Variants in LAMA2 observed in about 807,000 individuals in gnomAD.
LAMA2 encodes the protein laminin subunit alpha 2.
Under a neutral mutation model 364.8 loss-of-function variants are expected in LAMA2, and 269 were observed. That is an observed-to-expected ratio of 0.74 (90% CI 0.67 to 0.82). The LOEUF (loss-of-function observed/expected upper bound fraction) is 0.82. Among genes scored for constraint, LAMA2 ranks in the 40% least tolerant of loss-of-function variants. The probability of loss-of-function intolerance (pLI) is 0.00; values close to 1 mark genes in which losing one functional copy is unlikely to be tolerated. For synonymous variants in LAMA2, 1,379 were observed against 1,370.6 expected (o/e 1.01, Z -0.14); for missense variants, 3,807 against 3,873.2 (o/e 0.98, Z 0.45).
intron 1 of LAMA2, among the ~76,000 whole-genome samples, chr6:128,911,172 G>A (rs1333803518): frequency 6.6e-6 from 1 of 152,252 alleles, no homozygotes; most frequent in Non-Finnish European, 1.5e-5. Flanking sequence ...CACCCAGTTC[G>A]AGCTTCCCGG....
intron 29 of LAMA2, among the ~76,000 whole-genome samples, chr6:129,335,222 A>G (rs752257897): frequency 9.9e-5 from 15 of 152,158 alleles, no homozygotes; most frequent in Non-Finnish European, 1.8e-4. Context: ...GTTATTATGA[A>G]TAGCTCAGTG....
chr6:129,024,768 G>GTC (rs1785688224), intron 1 of LAMA2, among the ~76,000 whole-genome samples: 1 of 152,024 alleles, frequency 6.6e-6, no homozygotes, highest in Non-Finnish European at 1.5e-5. Flanking sequence ...TGATTAGGCA[G>GTC]AAGTATGCTT....
In LAMA2 at chr6:129,439,728, A is replaced by T. The variant is rs979001613; in HGVS notation, c.6085+966A>T. Among the ~76,000 whole-genome samples the T allele has an allele frequency of 9.4e-4, 142 of 151,638 alleles. 3 individuals are homozygous for T. Among genetic ancestry groups the T allele is most frequent in the Non-Finnish European group, 3.8e-4 (26 of 67,870 alleles). On this transcript the variant is annotated intron_variant, in intron 42 of 64. Transcript: ENST00000421865. ...GATATAATAACAACAAAGATTATAA[A>T]CACTTATTGAGTACTTAATATACTT...
In LAMA2 at chr6:128,938,662, G is replaced by A. The variant is rs1457014228; in HGVS notation, c.112+55305G>A. 2.0e-5 allele frequency among the ~76,000 whole-genome samples: 3 copies of A among 152,168 alleles called. No homozygotes were observed. In the East Asian group the frequency reaches 5.8e-4, roughly 29 times the overall value. On this transcript the variant is annotated intron_variant, in intron 1 of 64. Transcript: ENST00000421865. ...TACTTCTCAGAGGATGTCCTTCGGA[G>A]AAGTATTCTTTCTCTTACTTATGTT...
chr6:129,408,614 C>A (rs956072119), intron 40 of LAMA2, among the ~76,000 whole-genome samples: 1 of 152,144 alleles, frequency 6.6e-6, no homozygotes, highest in East Asian at 1.9e-4. Flanking sequence ...TGGAAGAGGT[C>A]TGATATAATC....
At chr6:128,977,173 T>A (rs1431440170) in intron 1 of LAMA2, among the ~76,000 whole-genome samples, 2 of 152,082 alleles carry the variant, frequency 1.3e-5, no homozygotes, top group African/African-American at 2.4e-5. Context: ...CTCTTCTTAA[T>A]ACATAATGCT....
chr6:129,148,161 T>C (rs1027175455), intron 6 of LAMA2, among the ~76,000 whole-genome samples: 5 of 152,028 alleles, frequency 3.3e-5, no homozygotes, highest in Non-Finnish European at 7.4e-5. Flanking sequence ...CACCATAGAA[T>C]ACTACGCTGC....
chr6:129,409,192 C>T (rs905704195), intron 40 of LAMA2, among the ~76,000 whole-genome samples: 7 of 152,214 alleles, frequency 4.6e-5, no homozygotes, highest in African/African-American at 1.7e-4. Context: ...TCAGGGATGT[C>T]CTAGAAAGGG....
intron 35 of LAMA2, among the ~76,000 whole-genome samples, chr6:129,391,130 G>A (rs1779294353): frequency 6.6e-6 from 1 of 152,064 alleles, no homozygotes; most frequent in African/African-American, 2.4e-5. Flanking sequence ...TATCTTATCA[G>A]CAATGCAGAG....
chr6:129,397,938 G>GAAAA (rs58131786), intron 37 of LAMA2, among the ~76,000 whole-genome samples: 2 of 103,524 alleles, frequency 1.9e-5, no homozygotes, highest in Non-Finnish European at 1.9e-5. Flanking sequence ...CTCCGTCTCA[G>GAAAA]AAAAAAAAAA....
intron 55 of LAMA2, among the ~76,000 whole-genome samples, chr6:129,482,436 C>A (rs138033631): frequency 2.6e-5 from 4 of 152,118 alleles, no homozygotes. Flanking sequence ...TTTTTTAAAA[C>A]GTAATTTTCC....
At position 129,353,242 on chromosome 6, in the gene LAMA2, A is replaced by G. The variant is rs758740309; in HGVS notation, c.4602A>G (p.Ser1534=). ...CQECECDPYG[S]LPVPCDPVTG... The stretch of plus-strand genomic sequence containing the variant: ...AATGTGAGTGTGATCCCTATGGCTC[A>G]CTGCCTGTGCCCTGTGACCCTGTCA... The change falls in exon 32 of 65, where the codon TCA becomes TCG. Residue 1534 remains serine, a synonymous_variant. Coordinates refer to ENST00000421865, the MANE Select transcript of LAMA2 (RefSeq NM_000426.4). 6.2e-7 allele frequency: 1 copy of G among 1,614,086 alleles called. No homozygotes were observed. The highest frequency in any genetic ancestry group is 8.5e-7 in the Non-Finnish European group (1 of 1,179,980).
rs1554335597 is a variant in LAMA2, at chr6:128,961,336, T to TATAG, written c.112+77982_112+77983insGATA. ...CTAATATGATATATATATATATATA[T>TATAG]ATATATATATATATATATATATATA... On this transcript the variant is annotated intron_variant, in intron 1 of 64. Coordinates refer to ENST00000421865, the MANE Select transcript of LAMA2 (RefSeq NM_000426.4). Among the ~76,000 whole-genome samples, 12 of 44,662 alleles carry TATAG rather than the reference T, an allele frequency of 2.7e-4. 1 individual carries two copies. The highest frequency in any genetic ancestry group is 4.8e-4 in the Non-Finnish European group (12 of 24,886). The allele number at this position is 44,662 out of a possible 152,430, so 29.3% of individuals were successfully genotyped here.
intron 29 of LAMA2, among the ~76,000 whole-genome samples, chr6:129,329,817 T>G (rs1018954175): frequency 1.3e-5 from 2 of 152,152 alleles, no homozygotes; most frequent in Non-Finnish European, 2.9e-5. Context: ...GTCCGTGGCC[T>G]TTTAGAAACC....
chr6:129,489,812 T>A (rs1452910431), intron 56 of LAMA2, among the ~76,000 whole-genome samples: 6 of 152,086 alleles, frequency 3.9e-5, no homozygotes, highest in African/African-American at 1.2e-4. Flanking sequence ...CTTCCACGTA[T>A]GCAATCCAAC....
chr6:129,373,632 G>T (rs966873831), intron 34 of LAMA2, among the ~76,000 whole-genome samples: 12 of 152,066 alleles, frequency 7.9e-5, no homozygotes, highest in African/African-American at 2.7e-4. Flanking sequence ...TCTTCTTAGG[G>T]TTCCTCTAGA....
chr6:129,037,666 A>ATT (rs375410908), intron 1 of LAMA2, among the ~76,000 whole-genome samples: 14,896 of 140,694 alleles, frequency 0.11, 907 homozygotes, highest in Middle Eastern at 0.19. Context: ...ATTTAATTTA[A>ATT]TTTTTTTTTT....
intron 1 of LAMA2, among the ~76,000 whole-genome samples, chr6:128,885,183 C>A (rs780451313): frequency 1.3e-5 from 2 of 152,100 alleles, no homozygotes; most frequent in Non-Finnish European, 2.9e-5. Flanking sequence ...ATATTATTGT[C>A]TTTGTCATAG....
At chr6:128,985,819 T>A (rs1356193068) in intron 1 of LAMA2, among the ~76,000 whole-genome samples, 1 of 152,174 alleles carries the variant, frequency 6.6e-6, no homozygotes, top group Non-Finnish European at 1.5e-5. Context: ...TTTAAAATCA[T>A]AATCTCAGTA....
Sources: gnomAD v4.1 joint callset for allele counts (sites outside exome capture counted in the v4.1 genomes callset) on GRCh38, gnomAD v4.1.1 for gene constraint, MANE v1.5 for transcripts, NCBI Gene and HGNC (gene_info 2026-07-23, HGNC 2026-07-21) for gene names.